Variants in CNTNAP3B observed in about 807,000 individuals in gnomAD.
CNTNAP3B encodes the protein contactin associated protein family member 3B.
Under a neutral mutation model 108.9 loss-of-function variants are expected in CNTNAP3B, and 25 were observed. That is an observed-to-expected ratio of 0.23 (90% CI 0.17 to 0.32). The LOEUF (loss-of-function observed/expected upper bound fraction) is 0.32. CNTNAP3B is among the 10% of genes least tolerant of loss of function. The probability of loss-of-function intolerance (pLI) is 1.00; values close to 1 mark genes in which losing one functional copy is unlikely to be tolerated. For synonymous variants in CNTNAP3B, 103 were observed against 473.4 expected, an observed-to-expected ratio of 0.22 and a Z score of 10.16; for missense variants, 252 against 1,210.4, an observed-to-expected ratio of 0.21 and a Z score of 11.75.
In CNTNAP3B at chr9:42,001,627, C is replaced by T. The variant is rs1355016406; in HGVS notation, c.539-3023G>A. Among the ~76,000 whole-genome samples the T allele has an allele frequency of 1.4e-4, 17 of 124,468 alleles. 1 individual carries two copies. The highest frequency in any genetic ancestry group is 8.6e-4 in the East Asian group (3 of 3,490). The allele number at this position is 124,468 out of a possible 152,430, so 81.7% of individuals were successfully genotyped here. A position where few individuals can be genotyped will look rare whatever the true frequency, so the allele number is the denominator to read the frequency against. On this transcript the variant is annotated intron_variant, in intron 4 of 23. Coordinates refer to ENST00000377561, the MANE Select transcript of CNTNAP3B (RefSeq NM_001201380.3). ...AAATTAATGTCACTTATTATGTTTA[C>T]GATAAAATCCAACGTTCCTCAAAGT...
At chr9:42,120,912 G>A (rs1828447683) in intron 1 of CNTNAP3B, among the ~76,000 whole-genome samples, 1 of 137,404 alleles carries the variant, frequency 7.3e-6, no homozygotes, top group Non-Finnish European at 1.6e-5. Context: ...CATGGCACAT[G>A]TATACATATG....
chr9:41,944,813 A>T (rs1824475619), intron 13 of CNTNAP3B, among the ~76,000 whole-genome samples: 1 of 152,298 alleles, frequency 6.6e-6, no homozygotes, highest in African/African-American at 2.4e-5. Flanking sequence ...AAAAGAAACT[A>T]CCATCAGAGT....
intron 3 of CNTNAP3B, among the ~76,000 whole-genome samples, chr9:42,018,295 TG>T (rs1467314654): frequency 1.5e-5 from 2 of 132,794 alleles, no homozygotes; most frequent in African/African-American, 6.1e-5. Context: ...TAAAATGTAT[TG>T]GACTGGGGAA....
chr9:41,945,636 G>A (rs1218620456), intron 13 of CNTNAP3B, among the ~76,000 whole-genome samples: 2 of 152,310 alleles, frequency 1.3e-5, no homozygotes, highest in African/African-American at 2.4e-5. Flanking sequence ...GGAGAGGGGA[G>A]GAATAGCATT....
chr9:41,953,569 A>G (rs866174864), intron 12 of CNTNAP3B, among the ~76,000 whole-genome samples, 183 bp from the exon 13 acceptor site: 3,586 of 150,644 alleles, frequency 0.024, no homozygotes, highest in African/African-American at 0.082. Flanking sequence ...TCTAAGAGAA[A>G]GCATATTGGA....
intron 13 of CNTNAP3B, among the ~76,000 whole-genome samples, chr9:41,944,583 A>C (rs952404538): frequency 1.3e-5 from 2 of 152,204 alleles, no homozygotes; most frequent in African/African-American, 2.4e-5. Flanking sequence ...AATCATATAA[A>C]ATGCTCAATT....
chr9:41,939,384 A>G (rs1377065068), intron 13 of CNTNAP3B, among the ~76,000 whole-genome samples: 43 of 152,418 alleles, frequency 2.8e-4, no homozygotes, highest in African/African-American at 1.0e-3. Context: ...ATGAATCGAG[A>G]TCTGGAACTT....
chr9:42,110,531 TAAA>T (rs370874060), intron 1 of CNTNAP3B, among the ~76,000 whole-genome samples: 1 of 119,916 alleles, frequency 8.3e-6, no homozygotes, highest in African/African-American at 3.4e-5. Context: ...CTCTTTGTTC[TAAA>T]AAAAAAAAAA....
intron 3 of CNTNAP3B, among the ~76,000 whole-genome samples, chr9:42,019,753 T>C (rs1826275371): frequency 7.6e-6 from 1 of 130,914 alleles, no homozygotes; most frequent in South Asian, 2.5e-4. Context: ...AGAGTGAGAC[T>C]CTATCTCAAA....
chr9:42,036,338 C>T lies in CNTNAP3B; in HGVS notation c.391-22813G>A, dbSNP rs1826630163. Among the ~76,000 whole-genome samples, 2 of 140,856 alleles carry T rather than the reference C, an allele frequency of 1.4e-5. 1 individual carries two copies. Among genetic ancestry groups the T allele is most frequent in the African/African-American group, 5.6e-5 (2 of 35,750 alleles). The allele number at this position is 140,856 out of a possible 152,430, so 92.4% of individuals were successfully genotyped here. A position where few individuals can be genotyped will look rare whatever the true frequency, so the allele number is the denominator to read the frequency against. On this transcript the variant is annotated intron_variant, in intron 3 of 23. Transcript: ENST00000377561. Reference sequence around the variant, plus strand: ...CAGATCAGTGAATGCACTTTGAGTTCTTTAACATTATATTCACACGTATTT... The same window carrying T: ...CAGATCAGTGAATGCACTTTGAGTTTTTTAACATTATATTCACACGTATTT...
At chr9:41,931,254 A>G (rs1450976554) in intron 14 of CNTNAP3B, among the ~76,000 whole-genome samples, 89 of 152,356 alleles carry the variant, frequency 5.8e-4, no homozygotes, top group East Asian at 2.1e-3. Context: ...ATACTAGAAT[A>G]CAATGCATAA....
intron 11 of CNTNAP3B, among the ~76,000 whole-genome samples, chr9:41,962,102 TTAA>T (rs1363967199): frequency 6.6e-6 from 1 of 152,260 alleles, no homozygotes; most frequent in African/African-American, 2.4e-5. Context: ...TATACATGTA[TTAA>T]TGTATAGTAT....
rs1034775886 is a variant in CNTNAP3B at position 42,116,989 on chromosome 9, T to C, written c.85+12021A>G. On this transcript the variant is annotated intron_variant, in intron 1 of 23. Transcript: ENST00000377561. ...AGAAGAGTTAAATATCCTAAATATATATGCACCCAGTACAGGAGCACCCAG... is the reference window on the plus strand; with the variant it reads ...AGAAGAGTTAAATATCCTAAATATACATGCACCCAGTACAGGAGCACCCAG... Among the ~76,000 whole-genome samples the C allele has an allele frequency of 2.2e-5, 3 of 139,450 alleles. 1 individual carries two copies. The East Asian group carries it at 6.5e-4, about 30-fold the overall frequency. The allele number at this position is 139,450 out of a possible 152,430, so 91.5% of individuals were successfully genotyped here.
intron 11 of CNTNAP3B, among the ~76,000 whole-genome samples, 176 bp from the exon 12 acceptor site, chr9:41,961,068 A>C (rs1825073964): frequency 6.6e-6 from 1 of 152,310 alleles, no homozygotes; most frequent in Admixed American, 6.5e-5. Context: ...TAAAAAATTA[A>C]ATCTATTTTT....
chr9:41,929,302 C>A lies in CNTNAP3B; in HGVS notation c.2365+15G>T. 2 of 1,499,298 alleles carry A rather than the reference C, an allele frequency of 1.3e-6. No homozygotes were observed. Among genetic ancestry groups the A allele is most frequent in the South Asian group, 2.6e-5 (2 of 78,040 alleles). 92.9% of individuals were successfully genotyped at this position (1,499,298 alleles called of 1,614,324 possible). On this transcript the variant is annotated intron_variant, in intron 15 of 23. Transcript: ENST00000377561. Reference sequence around the variant, plus strand: ...AGTTATTATGAAAATAAAGCTTTTTCTTGACACTACTTACTATCTCCGCGG... The same window carrying A: ...AGTTATTATGAAAATAAAGCTTTTTATTGACACTACTTACTATCTCCGCGG...
chr9:41,944,491 G>C (rs914614170), intron 13 of CNTNAP3B, among the ~76,000 whole-genome samples: 3 of 152,284 alleles, frequency 2.0e-5, no homozygotes, highest in Non-Finnish European at 2.9e-5. Context: ...GATTGTTATA[G>C]TGTATATTTT....
At chr9:41,947,903 T>C (rs1275716168) in intron 13 of CNTNAP3B, among the ~76,000 whole-genome samples, 17 of 152,126 alleles carry the variant, frequency 1.1e-4, no homozygotes, top group African/African-American at 3.4e-4. Context: ...TCTACACAAA[T>C]CAACTTGACA....
At chr9:41,986,465 T>C (rs1301143815) in intron 8 of CNTNAP3B, among the ~76,000 whole-genome samples, 154 bp from the exon 9 acceptor site, 1 of 144,860 alleles carries the variant, frequency 6.9e-6, no homozygotes, top group East Asian at 2.0e-4. Context: ...CTATCTTTAA[T>C]TTAAAAATTT....
intron 1 of CNTNAP3B, among the ~76,000 whole-genome samples, chr9:42,121,693 G>T (rs1185491812): frequency 7.1e-6 from 1 of 140,170 alleles, no homozygotes; most frequent in Non-Finnish European, 1.5e-5. Context: ...TGTGATTTAT[G>T]AAATGACATA....
Sources: allele counts gnomAD v4.1 joint callset (sites outside exome capture counted in the v4.1 genomes callset), GRCh38; gene constraint gnomAD v4.1.1; transcripts MANE v1.5; gene names NCBI Gene and HGNC (gene_info 2026-07-23, HGNC 2026-07-21).